The following RUSC2 variants were observed in gnomAD, a reference collection of about 807,000 sequenced individuals.
RUSC2 encodes the protein RUN and SH3 domain containing 2.
Under a neutral mutation model 122.2 loss-of-function variants are expected in RUSC2, and 34 were observed. The ratio of observed to expected loss-of-function variants is 0.28; its 90% CI spans 0.21 to 0.37. RUSC2 has a LOEUF of 0.37. RUSC2 is among the 10% of genes least tolerant of loss of function. The pLI is 1.00. For synonymous variants in RUSC2, 784 were observed against 790.0 expected, an observed-to-expected ratio of 0.99 and a Z score of 0.13; for missense variants, 1,747 against 1,952.4, an observed-to-expected ratio of 0.89 and a Z score of 1.98.
chr9:35,556,267 C>G, intron 4 of RUSC2, 41 bp from the exon 5 acceptor site: 1 of 1,609,946 alleles, frequency 6.2e-7, no homozygotes, highest in Non-Finnish European at 8.5e-7. Flanking sequence ...GGAACTCCTG[C>G]ACTGAGAGTT....
chr9:35,548,097 G>A lies in RUSC2; in HGVS notation c.1576G>A (p.Glu526Lys), dbSNP rs1485003014. 5 of 1,613,084 alleles carry A rather than the reference G, an allele frequency of 3.1e-6. No individual in the cohort carries two copies. The African/African-American group carries it at 4.0e-5, about 13-fold the overall frequency. Residue 526 changes from glutamate (E) to lysine (K), a missense_variant, in exon 2 of 12, where the codon GAG becomes AAG. Coordinates refer to ENST00000361226, the MANE Select transcript of RUSC2 (RefSeq NM_014806.5). The surrounding 1 kb of genome is among the most constrained non-coding windows in gnomAD (Gnocchi z 4.5). ...RMLSCPVRLS[E>K]GPAAMAGPGS... ...GTTGAGTTGCCCAGTGCGCTTGAGT[G>A]AGGGCCCTGCAGCCATGGCCGGGCC...
At chr9:35,525,439 G>A (rs1821306086) in intron 1 of RUSC2, among the ~76,000 whole-genome samples, 1 of 152,046 alleles carries the variant, frequency 6.6e-6, no homozygotes, top group South Asian at 2.1e-4. Context: ...GTTGTTGGTG[G>A]GGACTGGGTG....
At chr9:35,554,635 T>C (rs1175009572) in intron 2 of RUSC2, among the ~76,000 whole-genome samples, 1 of 152,120 alleles carries the variant, frequency 6.6e-6, no homozygotes, top group Non-Finnish European at 1.5e-5. Context: ...GGATAAGCGG[T>C]TATAGCACAT....
At chr9:35,532,829 A>G (rs118173763) in intron 1 of RUSC2, among the ~76,000 whole-genome samples, 707 of 152,286 alleles carry the variant, frequency 4.6e-3, no homozygotes, top group Non-Finnish European at 8.5e-3. Context: ...TTCCAATATT[A>G]TAAGTTAAAA....
intron 1 of RUSC2, among the ~76,000 whole-genome samples, chr9:35,529,828 T>G (rs1040005751): frequency 6.6e-6 from 1 of 152,200 alleles, no homozygotes; most frequent in Non-Finnish European, 1.5e-5. Flanking sequence ...GGCTCAGCTT[T>G]CAGTTTTTCT....
At chr9:35,490,755 T>C (rs1820550536) in intron 1 of RUSC2, among the ~76,000 whole-genome samples, 1 of 152,200 alleles carries the variant, frequency 6.6e-6, no homozygotes, top group African/African-American at 2.4e-5. Flanking sequence ...AGAAAACCTT[T>C]GGCTTGGCAG....
At position 35,547,344 on chromosome 9, in the gene RUSC2, A is replaced by G. The variant is rs765838907; in HGVS notation, c.823A>G (p.Asn275Asp). 1.9e-6 allele frequency: 3 copies of G among 1,614,036 alleles called. No individual in the cohort carries two copies. In the African/African-American group the frequency reaches 4.0e-5, roughly 22 times the overall value. Residue 275 changes from asparagine (N) to aspartate (D), a missense_variant, in exon 2 of 12, where the codon AAC (asparagine) becomes GAC (aspartate). Coordinates refer to ENST00000361226, the MANE Select transcript of RUSC2 (RefSeq NM_014806.5). This position sits in a 1 kb window ranked among gnomAD's most constrained non-coding sequence, Gnocchi z 4.6. ...SMGYVSDSSC[N>D]SSDGVLVTFS... ...GGGCTATGTGAGCGACTCCTCCTGCAACAGTTCAGATGGTGTGCTGGTCAC... is the reference window on the plus strand; with the variant it reads ...GGGCTATGTGAGCGACTCCTCCTGCGACAGTTCAGATGGTGTGCTGGTCAC...
chr9:35,554,953 C>G (rs1022568084), intron 2 of RUSC2, 107 bp from the exon 3 acceptor site: 21 of 1,323,738 alleles, frequency 1.6e-5, no homozygotes, highest in Non-Finnish European at 2.2e-5. Context: ...CAATTCCTGC[C>G]AGCCAGGTCC....
intron 5 of RUSC2, among the ~76,000 whole-genome samples, chr9:35,556,911 G>T (rs1822033200): frequency 6.6e-6 from 1 of 152,208 alleles, no homozygotes; most frequent in Non-Finnish European, 1.5e-5. Context: ...GAAGCTGTGT[G>T]CTGTGTATCA....
chr9:35,498,853 A>G (rs538665781), intron 1 of RUSC2, among the ~76,000 whole-genome samples: 68 of 151,732 alleles, frequency 4.5e-4, no homozygotes, highest in Admixed American at 1.4e-3. Flanking sequence ...CAAAAAAAAA[A>G]AAACAAAAAA....
intron 1 of RUSC2, among the ~76,000 whole-genome samples, chr9:35,534,647 A>G (rs1450536715): frequency 6.6e-6 from 1 of 151,982 alleles, no homozygotes; most frequent in Non-Finnish European, 1.5e-5. Flanking sequence ...ACACCCAGCT[A>G]ATTTTTGTAT....
intron 1 of RUSC2, among the ~76,000 whole-genome samples, chr9:35,533,649 C>T (rs1043829271): frequency 9.8e-5 from 15 of 152,346 alleles, no homozygotes; most frequent in African/African-American, 3.6e-4. Flanking sequence ...CAGCCTCTGG[C>T]AGCCACTGAT....
At chr9:35,549,096 T>C (rs2132556330) in intron 2 of RUSC2, 2 of 985,010 alleles carry the variant, frequency 2.0e-6, no homozygotes, top group South Asian at 4.7e-5. Context: ...GGCTGACATA[T>C]TGGGAAATGA....
intron 1 of RUSC2, among the ~76,000 whole-genome samples, chr9:35,516,878 A>G (rs188183508): frequency 1.2e-3 from 178 of 152,322 alleles, no homozygotes; most frequent in African/African-American, 3.8e-3. Flanking sequence ...TTGTTTTTTT[A>G]AAAGGGAATT....
rs1015409757 is a variant in RUSC2 at position 35,492,830 on chromosome 9, C to T, written c.-93+2658C>T. ...CTCTGTACCAGTAAGATGCTAACTC[C>T]CCATTTCTCCCTACTCCGCCCCAGG... On this transcript the variant is annotated intron_variant, in intron 1 of 11. Transcript: ENST00000361226. Among the ~76,000 whole-genome samples, 24 of 152,166 alleles carry T rather than the reference C, an allele frequency of 1.6e-4. 1 individual carries two copies. The highest frequency in any genetic ancestry group is 3.4e-3 in the Middle Eastern group (1 of 294).
chr9:35,540,251 C>T (rs1255002747), intron 1 of RUSC2, among the ~76,000 whole-genome samples: 1 of 152,104 alleles, frequency 6.6e-6, no homozygotes, highest in Non-Finnish European at 1.5e-5. Flanking sequence ...CACCTGTAGT[C>T]CCAGCTACTA....
chr9:35,535,640 G>A (rs1172729912), intron 1 of RUSC2, among the ~76,000 whole-genome samples: 1 of 149,546 alleles, frequency 6.7e-6, no homozygotes, highest in African/African-American at 2.5e-5. Flanking sequence ...CTGGGTTCAC[G>A]CCATTCTCCT....
In RUSC2 at chr9:35,532,768, G is replaced by C. The variant is rs1158863072; in HGVS notation, c.-92-13662G>C. Among the ~76,000 whole-genome samples, 4 of 151,532 alleles carry C rather than the reference G, an allele frequency of 2.6e-5. No individual in the cohort carries two copies. The South Asian group carries it at 6.2e-4, about 24-fold the overall frequency. On this transcript the variant is annotated intron_variant, in intron 1 of 11. Transcript: ENST00000361226. ...AAATGTCTCAAAAAAAAAAGCCAAAGGGAAAAGAGGAGTTGAATAGGAAAG... is the reference window on the plus strand; with the variant it reads ...AAATGTCTCAAAAAAAAAAGCCAAACGGAAAAGAGGAGTTGAATAGGAAAG...
chr9:35,542,022 G>A (rs1821651949), intron 1 of RUSC2, among the ~76,000 whole-genome samples: 1 of 151,930 alleles, frequency 6.6e-6, no homozygotes, highest in Non-Finnish European at 1.5e-5. Flanking sequence ...GTAAGGATCA[G>A]TAAGATATGC....
Sources: gnomAD v4.1 joint callset for allele counts (sites outside exome capture counted in the v4.1 genomes callset) on GRCh38, gnomAD v4.1.1 for gene constraint, Gnocchi (gnomAD v3.1) non-coding constraint, MANE v1.5 for transcripts, NCBI Gene and HGNC (gene_info 2026-07-23, HGNC 2026-07-21) for gene names.